ASAP2: variants seen among roughly 807,000 people sequenced by gnomAD.
The protein encoded by ASAP2 is arf-GAP with SH3 domain, ANK repeat and PH domain-containing protein 2.
Under a neutral mutation model 131.4 loss-of-function variants are expected in ASAP2, and 45 were observed. The ratio of observed to expected loss-of-function variants is 0.34; its 90% CI spans 0.27 to 0.44. ASAP2 has a LOEUF of 0.44. ASAP2 is among the 20% of genes least tolerant of loss of function. The probability of loss-of-function intolerance (pLI) is 1.00; values close to 1 mark genes in which losing one functional copy is unlikely to be tolerated. For synonymous variants in ASAP2, 510 were observed against 503.0 expected (o/e 1.01, Z -0.19); for missense variants, 1,011 against 1,297.0 (o/e 0.78, Z 3.39).
intron 24 of ASAP2, among the ~76,000 whole-genome samples, chr2:9,397,727 G>GATATATATAT (rs200560260): frequency 6.0e-5 from 5 of 83,518 alleles, no homozygotes; most frequent in African/African-American, 3.9e-4. Flanking sequence ...AAATCAAAAG[G>GATATATATAT]ATATATATAT....
intron 6 of ASAP2, among the ~76,000 whole-genome samples, chr2:9,327,461 G>A (rs1670553663): frequency 6.6e-6 from 1 of 152,182 alleles, no homozygotes; most frequent in Non-Finnish European, 1.5e-5. Flanking sequence ...AGCAGTTATT[G>A]TTCCTAAAGT....
At chr2:9,361,820 C>T (rs550203118) in intron 15 of ASAP2, among the ~76,000 whole-genome samples, 1 of 152,204 alleles carries the variant, frequency 6.6e-6, no homozygotes, top group African/African-American at 2.4e-5. Flanking sequence ...CTGCTTTGGC[C>T]TCCCAAAATG....
chr2:9,340,124 G>T (rs993553875), intron 9 of ASAP2, among the ~76,000 whole-genome samples: 1 of 152,206 alleles, frequency 6.6e-6, no homozygotes, highest in Non-Finnish European at 1.5e-5. Flanking sequence ...CTGGGTTCAA[G>T]TGATTCTTCT....
At chr2:9,364,517 C>T (rs1369479032) in intron 15 of ASAP2, among the ~76,000 whole-genome samples, 2 of 152,088 alleles carry the variant, frequency 1.3e-5, no homozygotes, top group African/African-American at 2.4e-5. Flanking sequence ...AACAAAAAAA[C>T]ATCAAATTAA....
At chr2:9,391,319 C>A in intron 23 of ASAP2, 123 bp downstream of exon 23, 3 of 1,347,592 alleles carry the variant, frequency 2.2e-6, no homozygotes, top group South Asian at 1.4e-5. Flanking sequence ...TGTTGTATGG[C>A]TCCCTGTGGC....
chr2:9,318,381 C>T, intron 3 of ASAP2, 143 bp from the exon 4 acceptor site: 1 of 632,552 alleles, frequency 1.6e-6, no homozygotes. Context: ...GAATGTATGA[C>T]TGAATAAGGC....
chr2:9,209,718 C>T (rs922723809), intron 1 of ASAP2, among the ~76,000 whole-genome samples: 2 of 152,086 alleles, frequency 1.3e-5, no homozygotes, highest in Admixed American at 6.5e-5. Flanking sequence ...TACAGGCATG[C>T]GCCACCATGC....
chr2:9,368,754 G>A (rs1408650901), intron 16 of ASAP2, among the ~76,000 whole-genome samples: 1 of 152,008 alleles, frequency 6.6e-6, no homozygotes, highest in East Asian at 1.9e-4. Context: ...TGTGTGCAGC[G>A]GGTATGTAGA....
intron 22 of ASAP2, among the ~76,000 whole-genome samples, chr2:9,390,329 G>T (rs770749931): frequency 1.3e-5 from 2 of 152,206 alleles, no homozygotes; most frequent in South Asian, 4.1e-4. Flanking sequence ...GGAGGAGCTC[G>T]AAGGCTTCCT....
At position 9,405,110 on chromosome 2, in the gene ASAP2, TC is replaced by T. The variant is rs1480339072; in HGVS notation, c.*1786del. 6.6e-6 allele frequency: 1 copy of T among 152,410 alleles called. No individual in the cohort carries two copies. The allele number at this position is 152,410 out of a possible 1,614,324, so 9.4% of individuals were successfully genotyped here. ...ATTCATATCAACATTAGAACTCCAGTCCCAAACTAATCTGTCAGGTTCACTG... is the reference window on the plus strand; with the variant it reads ...ATTCATATCAACATTAGAACTCCAGTCCAAACTAATCTGTCAGGTTCACTG... On this transcript the variant is annotated 3_prime_UTR_variant, in exon 28 of 28. Coordinates refer to ENST00000281419, the MANE Select transcript of ASAP2 (RefSeq NM_003887.3).
At chr2:9,382,217 C>T (rs1203158947) in intron 20 of ASAP2, among the ~76,000 whole-genome samples, 5 of 152,164 alleles carry the variant, frequency 3.3e-5, no homozygotes, top group Admixed American at 6.5e-5. Context: ...CTCCTGACCT[C>T]AAGCAATCCA....
chr2:9,398,710 G>A (rs1235642778), intron 24 of ASAP2: 2 of 152,054 alleles, frequency 1.3e-5, no homozygotes, highest in Non-Finnish European at 2.9e-5. Context: ...TCGGGAGGCT[G>A]AGGCAGGAGA....
At chr2:9,241,989 CT>C (rs1664003752) in intron 1 of ASAP2, among the ~76,000 whole-genome samples, 1 of 152,146 alleles carries the variant, frequency 6.6e-6, no homozygotes, top group South Asian at 2.1e-4. Context: ...CCTGGTTTTA[CT>C]ACTTGGTAAC....
At chr2:9,354,886 C>G (rs914245822) in intron 12 of ASAP2, among the ~76,000 whole-genome samples, 7 of 152,154 alleles carry the variant, frequency 4.6e-5, no homozygotes, top group African/African-American at 1.7e-4. Context: ...CACAGATGTT[C>G]GTTGTGTTTC....
chr2:9,402,443 A>G (rs1464198439), intron 27 of ASAP2, among the ~76,000 whole-genome samples: 1 of 152,204 alleles, frequency 6.6e-6, no homozygotes, highest in African/African-American at 2.4e-5. Flanking sequence ...CAGCCTGGCC[A>G]ACATGGTTCT....
intron 3 of ASAP2, among the ~76,000 whole-genome samples, chr2:9,304,427 T>G (rs1403351068): frequency 7.6e-6 from 1 of 130,934 alleles, no homozygotes; most frequent in Non-Finnish European, 1.6e-5. Flanking sequence ...ATGGCTCTAG[T>G]GGGGATGTAG....
rs181808772 is a variant in ASAP2 at position 9,372,304 on chromosome 2, C to G, written c.1557-2451C>G. ...CCTGGGTGTCACACTGTGCTGGAGGCCCTAAGAGGAGAACCTGCAGGAATA... is the reference window on the plus strand; with the variant it reads ...CCTGGGTGTCACACTGTGCTGGAGGGCCTAAGAGGAGAACCTGCAGGAATA... On this transcript the variant is annotated intron_variant, in intron 16 of 27. Coordinates refer to ENST00000281419, the MANE Select transcript of ASAP2 (RefSeq NM_003887.3). Among the ~76,000 whole-genome samples, 103 of 152,096 alleles carry G rather than the reference C, an allele frequency of 6.8e-4. 1 individual carries two copies. In the East Asian group the frequency reaches 0.019, roughly 28 times the overall value.
chr2:9,250,816 TC>T (rs1664650478), intron 1 of ASAP2, among the ~76,000 whole-genome samples: 1 of 152,232 alleles, frequency 6.6e-6, no homozygotes, highest in Non-Finnish European at 1.5e-5. Context: ...GGGATGTGAT[TC>T]AGCACAGGCC....
chr2:9,343,766 C>G (rs1024164146), intron 9 of ASAP2, among the ~76,000 whole-genome samples: 11 of 152,178 alleles, frequency 7.2e-5, no homozygotes, highest in Admixed American at 6.5e-4. Flanking sequence ...TTGTTAAACA[C>G]CAGTTGAGCC....
Sources: gnomAD v4.1 joint callset for allele counts (sites outside exome capture counted in the v4.1 genomes callset) on GRCh38, gnomAD v4.1.1 for gene constraint, MANE v1.5 for transcripts, NCBI Gene and HGNC (gene_info 2026-07-23, HGNC 2026-07-21) for gene names.